The following MYO5B variants were observed in gnomAD, a reference collection of about 807,000 sequenced individuals.
MYO5B encodes myosin VB, also known as unconventional myosin-Vb.
A neutral mutation model predicts 229.3 loss-of-function variants in MYO5B; 143 were observed. That is an observed-to-expected ratio of 0.62 (90% CI 0.54 to 0.72). The LOEUF is 0.72. Among genes scored for constraint, MYO5B ranks in the 30% least tolerant of loss-of-function variants. The probability of loss-of-function intolerance (pLI) is 0.00; values close to 1 mark genes in which losing one functional copy is unlikely to be tolerated. For synonymous variants in MYO5B, 918 were observed against 885.2 expected, an observed-to-expected ratio of 1.04 and a Z score of -0.66; for missense variants, 2,321 against 2,331.0, an observed-to-expected ratio of 1.00 and a Z score of 0.09.
At chr18:49,917,156 A>G (rs910920693) in intron 17 of MYO5B, among the ~76,000 whole-genome samples, 9 of 152,186 alleles carry the variant, frequency 5.9e-5, no homozygotes, top group African/African-American at 1.9e-4. Flanking sequence ...GGATATGTTC[A>G]TGCAGGGGTA....
At chr18:50,126,740 C>A (rs2144540307) in intron 1 of MYO5B, among the ~76,000 whole-genome samples, 1 of 152,312 alleles carries the variant, frequency 6.6e-6, no homozygotes, top group South Asian at 2.1e-4. Context: ...GCCTCCAATG[C>A]ATTTTCACAC....
At position 50,040,316 on chromosome 18, in the gene MYO5B, T is replaced by C; in HGVS notation, c.139-2A>G. On this transcript the variant is annotated splice_acceptor_variant, in intron 2 of 39. Transcript: ENST00000285039. LOFTEE classifies it high-confidence loss of function. Reference sequence around the variant, plus strand: ...TACATCAATTGGGTATTCCAGAATCTAAAGACATGCAAGTAGCAGACACAA... The same window carrying C: ...TACATCAATTGGGTATTCCAGAATCCAAAGACATGCAAGTAGCAGACACAA... 2 of 1,614,016 alleles carry C rather than the reference T, an allele frequency of 1.2e-6. No homozygotes were observed. Among genetic ancestry groups the C allele is most frequent in the Non-Finnish European group, 1.7e-6 (2 of 1,179,898 alleles).
chr18:50,039,426 G>T (rs1022788731), intron 3 of MYO5B, among the ~76,000 whole-genome samples: 8 of 152,022 alleles, frequency 5.3e-5, no homozygotes, highest in African/African-American at 1.7e-4. Flanking sequence ...CCGACTCCCC[G>T]GTTCAAGCGA....
At chr18:49,938,236 G>A (rs2025272833) in intron 14 of MYO5B, among the ~76,000 whole-genome samples, 1 of 152,062 alleles carries the variant, frequency 6.6e-6, no homozygotes. Flanking sequence ...CTGTTATATG[G>A]GGTTGTTATG....
intron 21 of MYO5B, 46 bp downstream of exon 21, chr18:49,902,548 A>G (rs772751849): frequency 1.2e-6 from 2 of 1,603,066 alleles, no homozygotes; most frequent in East Asian, 2.2e-5. Flanking sequence ...AAAATGCTCC[A>G]GTACCCAAGC....
intron 39 of MYO5B, among the ~76,000 whole-genome samples, chr18:49,832,444 G>A (rs1432277733): frequency 6.6e-6 from 1 of 152,226 alleles, no homozygotes; most frequent in Non-Finnish European, 1.5e-5. Context: ...AGGGTTAACT[G>A]TGGGAGTATT....
At chr18:49,901,566 T>C (rs1222769065) in intron 21 of MYO5B, among the ~76,000 whole-genome samples, 1 of 152,210 alleles carries the variant, frequency 6.6e-6, no homozygotes, top group African/African-American at 2.4e-5. Context: ...TGCATATGCA[T>C]TAGACCATTT....
intron 1 of MYO5B, among the ~76,000 whole-genome samples, chr18:50,153,922 T>A (rs1271346735): frequency 6.6e-6 from 1 of 152,114 alleles, no homozygotes; most frequent in East Asian, 1.9e-4. Context: ...TCTGGGCACC[T>A]CTCCACCACC....
intron 17 of MYO5B, 111 bp from the exon 18 acceptor site, chr18:49,912,284 C>T: frequency 6.0e-6 from 5 of 836,744 alleles, no homozygotes; most frequent in Non-Finnish European, 1.0e-5. Context: ...GGCACAAAGT[C>T]ATTCTCAGAG....
At chr18:49,965,455 T>TCTCTCTCTCTCACA (rs1555647768) in intron 10 of MYO5B, among the ~76,000 whole-genome samples, 2 of 147,098 alleles carry the variant, frequency 1.4e-5, no homozygotes, top group African/African-American at 5.1e-5. Flanking sequence ...ACACTTCTTT[T>TCTCTCTCTCTCACA]CACACACACA....
At chr18:50,041,100 T>C (rs756282198) in intron 2 of MYO5B, among the ~76,000 whole-genome samples, 2 of 152,218 alleles carry the variant, frequency 1.3e-5, no homozygotes, top group Non-Finnish European at 2.9e-5. Context: ...CTGCTCACCA[T>C]GTATTATCTG....
At chr18:50,055,630 C>A (rs1477981824) in intron 1 of MYO5B, among the ~76,000 whole-genome samples, 3 of 151,992 alleles carry the variant, frequency 2.0e-5, no homozygotes, top group Non-Finnish European at 4.4e-5. Context: ...AAAATTCTAC[C>A]CAAGAGACTG....
chr18:50,133,819 A>T (rs981648741), intron 1 of MYO5B, among the ~76,000 whole-genome samples: 1 of 152,144 alleles, frequency 6.6e-6, no homozygotes, highest in African/African-American at 2.4e-5. Context: ...GTGATTCTAG[A>T]TGCAAAGTTT....
chr18:50,058,668 G>T (rs374278495), intron 1 of MYO5B, among the ~76,000 whole-genome samples: 1 of 151,962 alleles, frequency 6.6e-6, no homozygotes, highest in African/African-American at 2.4e-5. Flanking sequence ...AAAATTAGCC[G>T]GGCGTGGTGG....
chr18:50,076,824 C>A (rs1027379692), intron 1 of MYO5B, among the ~76,000 whole-genome samples: 2 of 151,898 alleles, frequency 1.3e-5, no homozygotes, highest in Non-Finnish European at 2.9e-5. Flanking sequence ...TAATGTCCAG[C>A]GAGTGGCTTG....
In MYO5B at chr18:50,169,573, T is replaced by C. The variant is rs1465229527; in HGVS notation, c.27+25194A>G. Among the ~76,000 whole-genome samples the C allele has an allele frequency of 1.6e-5, 2 of 126,562 alleles. 1 individual carries two copies. The highest frequency in any genetic ancestry group is 3.4e-5 in the Non-Finnish European group (2 of 59,422). The allele number at this position is 126,562 out of a possible 152,430, so 83.0% of individuals were successfully genotyped here. A position where few individuals can be genotyped will look rare whatever the true frequency, so the allele number is the denominator to read the frequency against. ...GACTGGCTGTAATCTACACAAACTG[T>C]CCAGGCCATGAAAGTCAAGGAAATA... On this transcript the variant is annotated intron_variant, in intron 1 of 39. Coordinates refer to ENST00000285039, the MANE Select transcript of MYO5B (RefSeq NM_001080467.3).
chr18:49,992,501 G>A, intron 5 of MYO5B, 70 bp from the exon 6 acceptor site: 2 of 1,600,104 alleles, frequency 1.2e-6, no homozygotes, highest in Middle Eastern at 1.8e-4. Flanking sequence ...TTGTATGTTT[G>A]TGGCAGCATG....
intron 4 of MYO5B, among the ~76,000 whole-genome samples, chr18:50,011,491 G>A (rs1390893577): frequency 6.6e-6 from 1 of 152,112 alleles, no homozygotes; most frequent in Non-Finnish European, 1.5e-5. Context: ...CACGCGGAAG[G>A]TGCACAGGCG....
chr18:49,834,224 C>T (rs571731564), intron 39 of MYO5B, among the ~76,000 whole-genome samples: 1 of 152,282 alleles, frequency 6.6e-6, no homozygotes, highest in South Asian at 2.1e-4. Flanking sequence ...TCCATGTTTC[C>T]TCACGTTTCT....
Sources: allele counts gnomAD v4.1 joint callset (sites outside exome capture counted in the v4.1 genomes callset), GRCh38; gene constraint gnomAD v4.1.1; transcripts MANE v1.5; gene names NCBI Gene and HGNC (gene_info 2026-07-23, HGNC 2026-07-21).